The following S100A13 variants were observed in gnomAD, a reference collection of about 807,000 sequenced individuals.
S100A13 encodes S100 calcium binding protein A13, also known as protein S100-A13.
In S100A13, 6 loss-of-function variants were observed where a neutral mutation model predicts 8.2. The observed-to-expected ratio is 0.73, with a 90% CI of 0.40 to 1.44. The LOEUF (loss-of-function observed/expected upper bound fraction) is 1.44, where lower values mean the gene tolerates loss of function less well. S100A13 is among the 40% of genes most tolerant of loss of function. The pLI, the probability that S100A13 is intolerant of heterozygous loss-of-function variation, is 0.02. For synonymous variants in S100A13, 39 were observed against 45.9 expected, an observed-to-expected ratio of 0.85 and a Z score of 0.61; for missense variants, 114 against 113.6, an observed-to-expected ratio of 1.00 and a Z score of -0.02.
intron 2 of S100A13, among the ~76,000 whole-genome samples, chr1:153,622,377 A>T (rs1254036935): frequency 6.6e-6 from 1 of 152,242 alleles, no homozygotes; most frequent in Non-Finnish European, 1.5e-5. Flanking sequence ...TCTCAAAAAC[A>T]AATTAAAAAT....
At chr1:153,620,299 A>C (rs1423816417) in intron 2 of S100A13, among the ~76,000 whole-genome samples, 2 of 151,852 alleles carry the variant, frequency 1.3e-5, no homozygotes, top group African/African-American at 4.8e-5. Flanking sequence ...AAAAAGAAAA[A>C]AAAATACAAA....
rs549348151 is a variant in S100A13 at position 153,619,241 on chromosome 1, T to TG, written c.154-204dup. Among the ~76,000 whole-genome samples, 416 of 151,880 alleles carry TG rather than the reference T, an allele frequency of 2.7e-3. 1 individual carries two copies. Among genetic ancestry groups the TG allele is most frequent in the African/African-American group, 9.5e-3 (394 of 41,434 alleles). On this transcript the variant is annotated intron_variant, in intron 2 of 2. Transcript: ENST00000476133. The stretch of plus-strand genomic sequence containing the variant: ...TCCAAGGAGCACCAGCAGAGAAAGG[T>TG]GGGGGGGCCTGAGTCCTAGTGCTTG...
intron 2 of S100A13, among the ~76,000 whole-genome samples, chr1:153,621,207 C>T (rs984126543): frequency 8.1e-5 from 12 of 148,372 alleles, no homozygotes; most frequent in African/African-American, 2.7e-4. Context: ...CCCAGGCTGG[C>T]GTGCAGTAGT....
intron 2 of S100A13, among the ~76,000 whole-genome samples, chr1:153,625,987 G>C (rs960388190): frequency 8.5e-5 from 13 of 152,142 alleles, no homozygotes; most frequent in African/African-American, 2.9e-4. Flanking sequence ...GGCCAACCTG[G>C]TGAAACCCTG....
At position 153,626,551 on chromosome 1, in the gene S100A13, A is replaced by C. The variant is rs185930247; in HGVS notation, c.-61-18T>G. The C allele has an allele frequency of 7.8e-4, 1,142 of 1,472,908 alleles. 18 individuals carry two copies. The Admixed American group carries it at 0.02, about 25-fold the overall frequency. The allele number at this position is 1,472,908 out of a possible 1,614,324, so 91.2% of individuals were successfully genotyped here. A position where few individuals can be genotyped will look rare whatever the true frequency, so the allele number is the denominator to read the frequency against. On this transcript the variant is annotated intron_variant, in intron 1 of 2. Transcript: ENST00000476133. ...GGGCTGACCTGTGGAAGAGAGAAGG[A>C]GCAGAGAGGGAGAGTCAGGGAGCCC...
chr1:153,632,220 G>A (rs183158309), upstream of S100A13: 12 of 175,216 alleles, frequency 6.8e-5, no homozygotes, highest in Admixed American at 4.8e-4. Flanking sequence ...GTTGGAAGTC[G>A]AGGAGACATC....
At chr1:153,628,068 G>T, upstream of S100A13, 1 of 1,550,410 alleles carries the variant, frequency 6.4e-7, no homozygotes. Context: ...TCTCAGTGAG[G>T]CCCCATGGAG....
chr1:153,630,220 C>A (rs1667925510), upstream of S100A13: 2 of 473,874 alleles, frequency 4.2e-6, no homozygotes, highest in Admixed American at 3.8e-5. Flanking sequence ...CAGACATCTA[C>A]CACAGGCCTC....
Position 153,618,941 on chromosome 1 carries a change from G to A in S100A13, c.251C>T (p.Ala84Val). Residue 84 changes from alanine to valine, a missense_variant, in exon 3 of 3, where the codon GCC (alanine) becomes GTC (valine). Physicochemically the swap from Ala to Val is moderately conservative, Grantham distance 64. Transcript: ENST00000476133. ...GTCTTTCTTCTTCCTGATTTCCTTGGCCAGCTCCCCAATCAATCTCCAGTA... is the reference window on the plus strand; with the variant it reads ...GTCTTTCTTCTTCCTGATTTCCTTGACCAGCTCCCCAATCAATCTCCAGTA... ...NEYWRLIGEL[A>V]KEIRKKKDLK... The A allele has an allele frequency of 6.2e-7, 1 of 1,613,960 alleles. No homozygotes were observed. The highest frequency in any genetic ancestry group is 8.5e-7 in the Non-Finnish European group (1 of 1,179,974).
chr1:153,625,605 G>A (rs1248099365), intron 2 of S100A13, among the ~76,000 whole-genome samples: 2 of 152,178 alleles, frequency 1.3e-5, no homozygotes, highest in Non-Finnish European at 2.9e-5. Context: ...CCACTGCTAG[G>A]CCTCAGTTTC....
chr1:153,619,855 A>G (rs1667122057), intron 2 of S100A13, among the ~76,000 whole-genome samples: 1 of 152,240 alleles, frequency 6.6e-6, no homozygotes, highest in Non-Finnish European at 1.5e-5. Context: ...AGAAGAACTA[A>G]AAAAGACTTT....
upstream of S100A13, chr1:153,630,504 G>T (rs117364408): frequency 9.4e-5 from 152 of 1,613,446 alleles, 1 homozygote; most frequent in Non-Finnish European, 1.2e-4. Context: ...GATGGGGGTG[G>T]GTAGGTGCAC....
upstream of S100A13, among the ~76,000 whole-genome samples, chr1:153,632,475 G>A (rs1021564291): frequency 6.6e-6 from 1 of 151,878 alleles, no homozygotes; most frequent in African/African-American, 2.4e-5. Context: ...GTTTCACCAT[G>A]TTGGCCAGGA....
At chr1:153,630,540 A>T (rs140805719), upstream of S100A13, 76 of 1,613,948 alleles carry the variant, frequency 4.7e-5, no homozygotes, top group Non-Finnish European at 5.8e-5. Flanking sequence ...TGAGCTGGAG[A>T]CGGCGATGGA....
At chr1:153,630,654 T>C, upstream of S100A13, 1 of 1,614,186 alleles carries the variant, frequency 6.2e-7, no homozygotes, top group Non-Finnish European at 8.5e-7. Context: ...GCTCTCTGGC[T>C]TCCTGGATGT....
At chr1:153,624,488 T>C (rs986710433) in intron 2 of S100A13, among the ~76,000 whole-genome samples, 2 of 144,910 alleles carry the variant, frequency 1.4e-5, no homozygotes, top group African/African-American at 5.2e-5. Flanking sequence ...AATCTAGAGA[T>C]AATGGAAAGC....
chr1:153,627,634 CCTGAGCCCTCAGGT>C (rs1405572063), upstream of S100A13: 1 of 163,854 alleles, frequency 6.1e-6, no homozygotes, highest in Admixed American at 5.7e-5. Context: ...GGCCGCTTGC[CCTGAGCCCTCAGGT>C]CTGGACCCGG....
intron 2 of S100A13, among the ~76,000 whole-genome samples, chr1:153,621,485 G>C (rs1450084019): frequency 6.6e-6 from 1 of 150,920 alleles, no homozygotes; most frequent in Non-Finnish European, 1.5e-5. Flanking sequence ...ATTATAAAAT[G>C]TTACTGGCTG....
intron 2 of S100A13, 114 bp from the exon 3 acceptor site, chr1:153,619,152 G>C: frequency 1.1e-6 from 1 of 936,608 alleles, no homozygotes; most frequent in East Asian, 2.4e-5. Context: ...GAGAGCAGTG[G>C]CACCTGCCCC....
Sources: allele counts gnomAD v4.1 joint callset (sites outside exome capture counted in the v4.1 genomes callset), GRCh38; gene constraint gnomAD v4.1.1; transcripts MANE v1.5; gene names NCBI Gene and HGNC (gene_info 2026-07-23, HGNC 2026-07-21).